NOD2: variants seen among roughly 807,000 people sequenced by gnomAD.
NOD2 encodes nucleotide binding oligomerization domain containing 2.
NOD2 carries 86 observed loss-of-function variants against 90.9 expected under a neutral mutation model. That is an observed-to-expected ratio of 0.95 (90% CI 0.79 to 1.13). NOD2 has a LOEUF of 1.13. Ranked by LOEUF, NOD2 falls within the 50% of genes most tolerant of loss-of-function variation. The pLI is 0.00. For missense variants in NOD2, 1,238 were observed against 1,283.8 expected (o/e 0.96, Z 0.55); for synonymous variants, 581 against 554.6 (o/e 1.05, Z -0.67).
intron 6 of NOD2, 95 bp from the exon 7 acceptor site, chr16:50,719,828 AAT>A: frequency 1.7e-6 from 2 of 1,150,966 alleles, no homozygotes; most frequent in Non-Finnish European, 2.6e-6. Flanking sequence ...GCAGGTCTTC[AAT>A]GCTTTCTTCC....
Position 50,731,777 on chromosome 16 carries a change from G to T in NOD2, c.3000G>T (p.Glu1000Asp), listed in dbSNP as rs1215899888. ...WLRGNTFSLE[E>D]VDKLGCRDTR... ...GAGGGAACACTTTCTCTCTAGAGGA[G>T]GTTGACAAGCTCGGCTGCAGGGACA... The change falls in exon 12 of 12, where the codon GAG becomes GAT. Residue 1000 changes from glutamate (E) to aspartate (D), a missense_variant. By Grantham distance (45) the Glu-to-Asp change is conservative (BLOSUM62 2). This residue lies in a region of NOD2 where 667 missense variants were observed against 688.7 expected (regional missense o/e 0.97). Coordinates refer to ENST00000647318, the MANE Select transcript of NOD2 (RefSeq NM_001370466.1). 6.2e-7 allele frequency: 1 copy of T among 1,613,908 alleles called. No individual in the cohort carries two copies. Among genetic ancestry groups the T allele is most frequent in the Admixed American group, 1.7e-5 (1 of 60,020 alleles).
intron 1 of NOD2, among the ~76,000 whole-genome samples, chr16:50,694,494 C>T (rs1365690066): frequency 6.6e-6 from 1 of 152,174 alleles, no homozygotes; most frequent in Non-Finnish European, 1.5e-5. Context: ...CCCTTTGCCT[C>T]GCTGCACCCT....
intron 10 of NOD2, 63 bp downstream of exon 10, chr16:50,725,635 A>ATT: frequency 1.5e-6 from 2 of 1,335,842 alleles, no homozygotes; most frequent in Non-Finnish European, 2.2e-6. Flanking sequence ...GGCATTTCTG[A>ATT]ATAAGATCTG....
In NOD2 at chr16:50,707,895, G is replaced by T. The variant is rs1964272203; in HGVS notation, c.500G>T (p.Gly167Val). The change falls in exon 3 of 12, where the codon GGA becomes GTA. Residue 167 changes from glycine to valine, a missense_variant. Physicochemically the swap from Gly to Val is moderately radical, Grantham distance 109. This residue lies in a region of NOD2 where 567 missense variants were observed against 577.3 expected (regional missense o/e 0.98). Coordinates refer to ENST00000647318, the MANE Select transcript of NOD2 (RefSeq NM_001370466.1). ...GATCTTGCCACGGTGAAAGCGAATG[G>T]ATTGGCTGCCTTCCTTCTACAACAT... ...LLDLATVKANGLAAFLLQHVQ... is the reference protein window; with the variant it reads ...LLDLATVKANVLAAFLLQHVQ... The T allele has an allele frequency of 3.7e-6, 6 of 1,614,188 alleles. No individual in the cohort carries two copies. The highest frequency in any genetic ancestry group is 5.1e-6 in the Non-Finnish European group (6 of 1,180,018).
intron 1 of NOD2, chr16:50,697,009 A>G: frequency 1.7e-6 from 1 of 587,092 alleles, no homozygotes; most frequent in East Asian, 2.9e-5. Flanking sequence ...TTTTTCAGTG[A>G]GGGTCATGGT....
intron 2 of NOD2, among the ~76,000 whole-genome samples, chr16:50,703,195 G>T (rs1964017459): frequency 6.6e-6 from 1 of 152,210 alleles, no homozygotes; most frequent in Non-Finnish European, 1.5e-5. Flanking sequence ...AACTGCAACT[G>T]CTAGAGGTAA....
In NOD2 at chr16:50,716,593, C is replaced by T. The variant is rs757770726; in HGVS notation, c.2388C>T (p.Arg796=). 23 of 1,613,708 alleles carry T rather than the reference C, an allele frequency of 1.4e-5. No homozygotes were observed. The highest frequency in any genetic ancestry group is 6.7e-5 in the East Asian group (3 of 44,900). ...ATTTATTTTGTCTCTTTAGTTTGCG[C>T]GATAACAATATCTCAGACCGAGGCA... ...CLGVCKALYL[R]DNNISDRGIC... Residue 796 remains arginine, a synonymous_variant, in exon 5 of 12, where the codon CGC becomes CGT. Transcript: ENST00000647318.
rs778408661 is a variant in NOD2 at position 50,722,653 on chromosome 16, G to C, written c.2665G>C (p.Ala889Pro). 2 of 1,614,246 alleles carry C rather than the reference G, an allele frequency of 1.2e-6. No homozygotes were observed. Among genetic ancestry groups the C allele is most frequent in the Admixed American group, 1.7e-5 (1 of 60,038 alleles). ...FWGNRVGDEG[A>P]QALAEALGDH... is the part of the protein sequence containing the mutation. ...GGGCAACAGAGTGGGTGACGAGGGG[G>C]CCCAGGCCCTGGCTGAAGCCTTGGG... Residue 889 changes from alanine to proline, a missense_variant, in exon 8 of 12, where the codon GCC becomes CCC. Physicochemically the swap from Ala to Pro is conservative, Grantham distance 27 (BLOSUM62 -1). Coordinates refer to ENST00000647318, the MANE Select transcript of NOD2 (RefSeq NM_001370466.1).
intron 9 of NOD2, 60 bp from the exon 10 acceptor site, chr16:50,725,429 G>A (rs1965229898): frequency 7.5e-7 from 1 of 1,333,574 alleles, no homozygotes; most frequent in Non-Finnish European, 1.1e-6. Flanking sequence ...GGGCATGTGA[G>A]TTCATCATCT....
chr16:50,704,356 A>G (rs867455825), intron 2 of NOD2, among the ~76,000 whole-genome samples: 1 of 152,162 alleles, frequency 6.6e-6, no homozygotes, highest in Non-Finnish European at 1.5e-5. Context: ...ATTCCTTAGA[A>G]TGAATGTATG....
At chr16:50,708,103 C>A in intron 3 of NOD2, 143 bp downstream of exon 3, 1 of 702,618 alleles carries the variant, frequency 1.4e-6, no homozygotes, top group South Asian at 1.5e-5. Context: ...TTAAGGCTAG[C>A]ACCACCCCGT....
rs138705580 is a variant in NOD2 at position 50,704,295 on chromosome 16, G to T, written c.460-3560G>T. Among the ~76,000 whole-genome samples, 1,515 of 152,148 alleles carry T rather than the reference G, an allele frequency of 1.0e-2. 13 individuals are homozygous for T. Among genetic ancestry groups the T allele is most frequent in the Middle Eastern group, 0.034 (10 of 294 alleles). On this transcript the variant is annotated intron_variant, in intron 2 of 11. Coordinates refer to ENST00000647318, the MANE Select transcript of NOD2 (RefSeq NM_001370466.1). ...GGTCTCCTGTATCCTGAATCCTATG[G>T]CCTCTTCTTCCCTGGTTTACTACAT...
At chr16:50,716,138 C>G (rs1341932538) in intron 4 of NOD2, among the ~76,000 whole-genome samples, 1 of 152,186 alleles carries the variant, frequency 6.6e-6, no homozygotes, top group African/African-American at 2.4e-5. Flanking sequence ...TTTGGCCACT[C>G]TCATCCAGCT....
intron 7 of NOD2, among the ~76,000 whole-genome samples, chr16:50,721,772 A>G (rs895489006): frequency 2.0e-5 from 3 of 152,172 alleles, no homozygotes; most frequent in East Asian, 1.9e-4. Context: ...GGATTACACA[A>G]GTGAGCCACC....
At position 50,699,616 on chromosome 16, in the gene NOD2, T is replaced by TG; in HGVS notation, c.124dup (p.Glu42GlyfsTer27). The TG allele has an allele frequency of 6.2e-7, 1 of 1,614,060 alleles. No homozygotes were observed. On this transcript the variant is annotated frameshift_variant, in exon 2 of 12. Transcript: ENST00000647318. LOFTEE classifies it high-confidence loss of function. ...GCTGCTGTCCTGGGAGGTCCTCTCC[T>TG]GGGAGGACTACGAGGGCTTCCACCT... is the stretch of plus-strand genomic sequence containing the variant.
intron 4 of NOD2, 75 bp from the exon 5 acceptor site, chr16:50,716,512 C>CT: frequency 1.4e-6 from 2 of 1,379,634 alleles, no homozygotes; most frequent in Non-Finnish European, 2.0e-6. Flanking sequence ...GAATGAAAGT[C>CT]TTTTTGGGGG....
At chr16:50,726,095 G>A (rs1965254570) in intron 10 of NOD2, among the ~76,000 whole-genome samples, 1 of 152,168 alleles carries the variant, frequency 6.6e-6, no homozygotes, top group African/African-American at 2.4e-5. Context: ...GCAGTGGCTG[G>A]GGAGGTGATG....
intron 1 of NOD2, among the ~76,000 whole-genome samples, chr16:50,694,867 G>A (rs375903096): frequency 4.6e-5 from 7 of 152,258 alleles, no homozygotes; most frequent in East Asian, 1.9e-4. Flanking sequence ...AATACATGGC[G>A]TAGCAGGTGG....
At position 50,699,687 on chromosome 16, in the gene NOD2, C is replaced by G. The variant is rs146923251; in HGVS notation, c.192C>G (p.Thr64=). ...ACTTGGCCAGGCGCCTTCTGGACACCGTCTGGAATAAGGGTACTTGGGCCT... is the reference window on the plus strand; with the variant it reads ...ACTTGGCCAGGCGCCTTCTGGACACGGTCTGGAATAAGGGTACTTGGGCCT... ...LSHLARRLLD[T]VWNKGTWACQ... Residue 64 remains threonine, a synonymous_variant, in exon 2 of 12, where the codon ACC becomes ACG. Transcript: ENST00000647318. 1.2e-6 allele frequency: 2 copies of G among 1,614,154 alleles called. No homozygotes were observed. The highest frequency in any genetic ancestry group is 2.2e-5 in the South Asian group (2 of 91,068).
Sources: gnomAD v4.1 joint callset for allele counts (sites outside exome capture counted in the v4.1 genomes callset) on GRCh38, gnomAD v4.1.1 for gene constraint, gnomAD v4.1.1 regional missense constraint, MANE v1.5 for transcripts, NCBI Gene and HGNC (gene_info 2026-07-23, HGNC 2026-07-21) for gene names.